SLC38A1: variants seen among roughly 807,000 people sequenced by gnomAD.
SLC38A1 encodes solute carrier family 38 member 1, also known as sodium-coupled neutral amino acid symporter 1.
A neutral mutation model predicts 60.3 loss-of-function variants in SLC38A1; 18 were observed. That is an observed-to-expected ratio of 0.30 (90% confidence interval 0.21 to 0.44). The LOEUF (loss-of-function observed/expected upper bound fraction) is 0.44, where lower values mean the gene tolerates loss of function less well. SLC38A1 is among the 20% of genes least tolerant of loss of function. The pLI is 1.00. For missense variants in SLC38A1, 448 were observed against 587.2 expected (o/e 0.76, Z 2.45); for synonymous variants, 196 against 212.1 (o/e 0.92, Z 0.66).
chr12:46,210,554 G>T (rs1337097945), intron 5 of SLC38A1, among the ~76,000 whole-genome samples: 1 of 152,020 alleles, frequency 6.6e-6, no homozygotes, highest in Admixed American at 6.6e-5. Flanking sequence ...GTTTGGCTGT[G>T]TCCCCACCGA....
chr12:46,190,072 T>C (rs1939081829), intron 16 of SLC38A1, among the ~76,000 whole-genome samples: 1 of 152,192 alleles, frequency 6.6e-6, no homozygotes, highest in Non-Finnish European at 1.5e-5. Flanking sequence ...TTTCTCGTAA[T>C]GCTATCCCTC....
chr12:46,238,626 C>A (rs2138230310), intron 3 of SLC38A1, among the ~76,000 whole-genome samples: 1 of 152,330 alleles, frequency 6.6e-6, no homozygotes, highest in Non-Finnish European at 1.5e-5. Flanking sequence ...GCTAAGCCAC[C>A]TAGACAATCA....
intron 1 of SLC38A1, among the ~76,000 whole-genome samples, chr12:46,246,059 C>G (rs1053223971): frequency 6.6e-6 from 1 of 152,154 alleles, no homozygotes; most frequent in Non-Finnish European, 1.5e-5. Flanking sequence ...CAAATAGGAA[C>G]AGCTCCCTTC....
At chr12:46,210,592 A>G (rs1940115868) in intron 5 of SLC38A1, among the ~76,000 whole-genome samples, 2 of 152,108 alleles carry the variant, frequency 1.3e-5, no homozygotes, top group Admixed American at 1.3e-4. Context: ...TAACTCCCAT[A>G]ATTTCCACGT....
intron 1 of SLC38A1, among the ~76,000 whole-genome samples, chr12:46,248,268 A>G (rs995353956): frequency 2.6e-5 from 4 of 152,224 alleles, no homozygotes; most frequent in African/African-American, 9.6e-5. Context: ...AAGACCCGTA[A>G]TTGTGCTGTA....
intron 14 of SLC38A1, 37 bp from the exon 15 acceptor site, chr12:46,198,097 A>G (rs1169460348): frequency 1.2e-6 from 2 of 1,603,540 alleles, no homozygotes; most frequent in African/African-American, 1.3e-5. Flanking sequence ...GTAAGTGCCT[A>G]CAGCATGCCA....
chr12:46,245,339 A>G (rs1941578392), intron 1 of SLC38A1, among the ~76,000 whole-genome samples: 1 of 152,224 alleles, frequency 6.6e-6, no homozygotes, highest in African/African-American at 2.4e-5. Context: ...ATACATAAAA[A>G]TGGCCACAAG....
chr12:46,249,485 C>T (rs562675775), intron 1 of SLC38A1, among the ~76,000 whole-genome samples: 7 of 152,026 alleles, frequency 4.6e-5, no homozygotes, highest in Non-Finnish European at 7.4e-5. Flanking sequence ...TAACTAAGAT[C>T]GGAGCAGAAT....
chr12:46,256,688 T>C (rs1942042266), intron 1 of SLC38A1, among the ~76,000 whole-genome samples: 2 of 149,490 alleles, frequency 1.3e-5, no homozygotes, highest in Non-Finnish European at 3.0e-5. Flanking sequence ...TAAGAAATTC[T>C]TACCCTTTGG....
intron 8 of SLC38A1, 127 bp downstream of exon 8, chr12:46,207,028 A>G (rs1939937456): frequency 7.8e-6 from 5 of 643,266 alleles, no homozygotes; most frequent in Admixed American, 3.2e-5. Context: ...TATTGTTGAA[A>G]CAACAAACAA....
intron 1 of SLC38A1, among the ~76,000 whole-genome samples, chr12:46,248,027 T>C (rs954704478): frequency 6.6e-6 from 1 of 152,172 alleles, no homozygotes; most frequent in Non-Finnish European, 1.5e-5. Flanking sequence ...CAAGAGCTCC[T>C]GAAGGAAGCA....
At chr12:46,258,003 A>G (rs1942086047) in intron 1 of SLC38A1, among the ~76,000 whole-genome samples, 2 of 152,216 alleles carry the variant, frequency 1.3e-5, no homozygotes, top group Non-Finnish European at 2.9e-5. Context: ...ATGATTTGCT[A>G]AACAAGGGGT....
Position 46,229,656 on chromosome 12 carries a change from A to C in SLC38A1, c.123-17T>G. ...ATAAACTTGCTGTAAAGACATGCGTAATATATTTAACCTTATGATAATGAT... is the reference window on the plus strand; with the variant it reads ...ATAAACTTGCTGTAAAGACATGCGTCATATATTTAACCTTATGATAATGAT... On this transcript the variant is annotated splice_polypyrimidine_tract_variant and intron_variant, in intron 3 of 16. Transcript: ENST00000398637. 6.3e-7 allele frequency: 1 copy of C among 1,599,552 alleles called. No homozygotes were observed. The highest frequency in any genetic ancestry group is 1.1e-5 in the South Asian group (1 of 90,686).
intron 13 of SLC38A1, 149 bp from the exon 14 acceptor site, chr12:46,198,892 A>G: frequency 1.7e-6 from 1 of 602,630 alleles, no homozygotes; most frequent in Non-Finnish European, 2.9e-6. Context: ...GTTGGAAAGA[A>G]AAATCTCTAT....
chr12:46,248,599 T>C (rs114751699), intron 1 of SLC38A1, among the ~76,000 whole-genome samples: 12,311 of 151,634 alleles, frequency 0.081, 559 homozygotes, highest in Middle Eastern at 0.12. Context: ...TTAACACCCA[T>C]TAGACAGATC....
At chr12:46,253,958 AC>A (rs1941943558) in intron 1 of SLC38A1, among the ~76,000 whole-genome samples, 1 of 152,208 alleles carries the variant, frequency 6.6e-6, no homozygotes, top group South Asian at 2.1e-4. Flanking sequence ...TTAAGTTCTG[AC>A]AAAAAGTAAT....
chr12:46,260,635 G>A (rs528110822), intron 1 of SLC38A1, among the ~76,000 whole-genome samples: 2 of 152,184 alleles, frequency 1.3e-5, no homozygotes, highest in Admixed American at 6.5e-5. Context: ...GAAGCAGAAC[G>A]CATCACCTGA....
At chr12:46,196,702 A>T (rs1939395190) in intron 16 of SLC38A1, among the ~76,000 whole-genome samples, 1 of 152,142 alleles carries the variant, frequency 6.6e-6, no homozygotes. Context: ...GACTCAGGTA[A>T]CAGGTACAAT....
In SLC38A1 at chr12:46,225,115, T is replaced by A. The variant is rs575932181; in HGVS notation, c.314+4038A>T. Reference sequence around the variant, plus strand: ...ATATAATAGTAGACAATAATGAAATTTTGAAAGCTGGAAAGCAGACAGACC... The same window carrying A: ...ATATAATAGTAGACAATAATGAAATATTGAAAGCTGGAAAGCAGACAGACC... On this transcript the variant is annotated intron_variant, in intron 5 of 16. Transcript: ENST00000398637. 3.3e-5 allele frequency among the ~76,000 whole-genome samples: 5 copies of A among 152,228 alleles called. No individual in the cohort carries two copies. In the South Asian group the frequency reaches 1.0e-3, roughly 32 times the overall value.
Sources: gnomAD v4.1 joint callset for allele counts (sites outside exome capture counted in the v4.1 genomes callset) on GRCh38, gnomAD v4.1.1 for gene constraint, MANE v1.5 for transcripts, NCBI Gene and HGNC (gene_info 2026-07-23, HGNC 2026-07-21) for gene names.